The following TRIM7 variants were observed in gnomAD, a reference collection of about 807,000 sequenced individuals.
The protein encoded by TRIM7 is tripartite motif containing 7.
Under a neutral mutation model 37.9 loss-of-function variants are expected in TRIM7, and 32 were observed. The observed-to-expected ratio is 0.84, with a 90% confidence interval of 0.64 to 1.13. The LOEUF (loss-of-function observed/expected upper bound fraction) is 1.13. Among genes scored for constraint, TRIM7 ranks in the 50% most tolerant of loss-of-function variants. TRIM7 has a pLI of 0.00. For synonymous variants in TRIM7, 351 were observed against 321.3 expected, an observed-to-expected ratio of 1.09 and a Z score of -0.99; for missense variants, 732 against 714.0, an observed-to-expected ratio of 1.03 and a Z score of -0.29.
rs748263061 is a variant in TRIM7 at position 181,198,676 on chromosome 5, G to T, written c.988+14C>A. On this transcript the variant is annotated intron_variant, in intron 5 of 6. Coordinates refer to ENST00000274773, the MANE Select transcript of TRIM7 (RefSeq NM_203293.3). ...ACCGCACTATGTGGCCCAGCTTGGC[G>T]CCCAGGCCCCTACCTTTGAACTTCT... 3 of 1,592,792 alleles carry T rather than the reference G, an allele frequency of 1.9e-6. No individual in the cohort carries two copies. Among genetic ancestry groups the T allele is most frequent in the South Asian group, 2.2e-5 (2 of 90,526 alleles).
At chr5:181,200,391 A>G (rs1757409191) in intron 2 of TRIM7, 3 of 1,369,608 alleles carry the variant, frequency 2.2e-6, no homozygotes, top group Non-Finnish European at 2.8e-6. Context: ...CAGCTTCCTC[A>G]CTTGAAAAGC....
chr5:181,200,194 C>A (rs749704803), intron 2 of TRIM7, 113 bp from the exon 3 acceptor site: 7 of 1,590,746 alleles, frequency 4.4e-6, no homozygotes, highest in Non-Finnish European at 6.0e-6. Context: ...GCTGGAGGAT[C>A]GGAGACACAC....
intron 2 of TRIM7, chr5:181,200,288 C>T (rs2113075316): frequency 6.9e-7 from 1 of 1,442,740 alleles, no homozygotes; most frequent in Middle Eastern, 2.5e-4. Flanking sequence ...CTTTTCTCCC[C>T]TGCCACAGAT....
chr5:181,198,256 C>T, intron 5 of TRIM7, 38 bp from the exon 6 acceptor site: 1 of 1,610,252 alleles, frequency 6.2e-7, no homozygotes. Flanking sequence ...GCATGAGCGA[C>T]ACGGGAGATT....
chr5:181,204,930 C>G lies in TRIM7; in HGVS notation c.181G>C (p.Gly61Arg). The change falls in exon 1 of 7, where the codon GGC (glycine) becomes CGC (arginine). Residue 61 changes from glycine to arginine, a missense_variant. Transcript: ENST00000274773. Reference protein sequence around the residue: ...ACIGRCWERPGAGSVGAATRA... With the variant: ...ACIGRCWERPRAGSVGAATRA... ...GTGGCGGCCCCAACAGACCCCGCGCCCGGGCGCTCCCAGCAGCGCCCTATG... is the reference window on the plus strand; with the variant it reads ...GTGGCGGCCCCAACAGACCCCGCGCGCGGGCGCTCCCAGCAGCGCCCTATG... 7.1e-7 allele frequency: 1 copy of G among 1,408,628 alleles called. No homozygotes were observed. The allele number at this position is 1,408,628 out of a possible 1,614,324, so 87.3% of individuals were successfully genotyped here.
chr5:181,204,656 C>A lies in TRIM7; in HGVS notation c.455G>T (p.Cys152Phe). ...QDDGRAICVV[C>F]DRAREHREHA... Reference sequence around the variant, plus strand: ...CTCGCGGTGCTCGCGGGCGCGGTCGCACACCACGCAGATGGCGCGTCCGTC... The same window carrying A: ...CTCGCGGTGCTCGCGGGCGCGGTCGAACACCACGCAGATGGCGCGTCCGTC... The change falls in exon 1 of 7, where the codon TGC (cysteine) becomes TTC (phenylalanine). Residue 152 changes from cysteine to phenylalanine, a missense_variant. Physicochemically the swap from Cys to Phe is radical, Grantham distance 205. Transcript: ENST00000274773. 6.6e-7 allele frequency: 1 copy of A among 1,507,196 alleles called. No individual in the cohort carries two copies. Among genetic ancestry groups the A allele is most frequent in the Non-Finnish European group, 8.8e-7 (1 of 1,139,662 alleles). 93.4% of individuals were successfully genotyped at this position (1,507,196 alleles called of 1,614,324 possible).
In TRIM7 at chr5:181,195,056, G is replaced by C; in HGVS notation, c.*110C>G. The C allele has an allele frequency of 7.3e-7, 1 of 1,361,096 alleles. No individual in the cohort carries two copies. Among genetic ancestry groups the C allele is most frequent in the Non-Finnish European group, 1.0e-6 (1 of 1,000,312 alleles). 84.3% of individuals were successfully genotyped at this position (1,361,096 alleles called of 1,614,324 possible). On this transcript the variant is annotated 3_prime_UTR_variant, in exon 7 of 7. Coordinates refer to ENST00000274773, the MANE Select transcript of TRIM7 (RefSeq NM_203293.3). ...TGTCTGTAGCAGGCTCTCTTGGGCA[G>C]CAGGGGTCAGGAGCACGGAGGGCAG...
chr5:181,204,925 C>G lies in TRIM7; in HGVS notation c.186G>C (p.Ala62=), dbSNP rs1431743925. ...CGCGGGTGGCGGCCCCAACAGACCC[C>G]GCGCCCGGGCGCTCCCAGCAGCGCC... ...CIGRCWERPG[A]GSVGAATRAP... Residue 62 remains alanine, a synonymous_variant, in exon 1 of 7, where the codon GCG becomes GCC. Transcript: ENST00000274773. 1.4e-6 allele frequency: 2 copies of G among 1,403,778 alleles called. No homozygotes were observed. 87.0% of individuals were successfully genotyped at this position (1,403,778 alleles called of 1,614,324 possible).
rs767789985 is a variant in TRIM7, at chr5:181,194,161, T to C, written c.*1005A>G. ...CCTGAGTCCGTCAGGAGCATATTTG[T>C]GCTCTGTGTGTTGTTTAGAGCTGGC... On this transcript the variant is annotated 3_prime_UTR_variant, in exon 7 of 7. Transcript: ENST00000274773. The C allele has an allele frequency of 9.8e-5, 15 of 152,306 alleles. No homozygotes were observed. The highest frequency in any genetic ancestry group is 1.9e-4 in the Non-Finnish European group (13 of 68,066). The allele number at this position is 152,306 out of a possible 1,614,324, so 9.4% of individuals were successfully genotyped here.
chr5:181,204,175 G>A (rs1409945298), intron 1 of TRIM7: 1 of 1,009,616 alleles, frequency 9.9e-7, no homozygotes, highest in Non-Finnish European at 1.2e-6. Context: ...ACGAGGTGGG[G>A]ACTTTGAGCA....
intron 3 of TRIM7, 148 bp downstream of exon 3, chr5:181,199,703 C>T (rs1343297149): frequency 1.5e-6 from 2 of 1,349,458 alleles, no homozygotes; most frequent in Non-Finnish European, 2.0e-6. Flanking sequence ...ACCTCCAACC[C>T]CAGGAAAATC....
rs746876251 is a variant in TRIM7 at position 181,204,670 on chromosome 5, G to A, written c.441C>T (p.Ala147=). ...GGGCGCGGTCGCACACCACGCAGAT[G>A]GCGCGTCCGTCGTCCTGGCAGTAGA... ...FKLYCQDDGR[A]ICVVCDRARE... The change falls in exon 1 of 7, where the codon GCC becomes GCT. Residue 147 remains alanine (A), a synonymous_variant. Coordinates refer to ENST00000274773, the MANE Select transcript of TRIM7 (RefSeq NM_203293.3). 1 of 1,514,926 alleles carries A rather than the reference G, an allele frequency of 6.6e-7. No individual in the cohort carries two copies. Among genetic ancestry groups the A allele is most frequent in the South Asian group, 1.2e-5 (1 of 81,740 alleles). 93.8% of individuals were successfully genotyped at this position (1,514,926 alleles called of 1,614,324 possible).
rs1179574580 is a variant in TRIM7 at position 181,195,361 on chromosome 5, G to T, written c.1341C>A (p.Ser447Arg). The T allele has an allele frequency of 6.3e-7, 1 of 1,579,328 alleles. No individual in the cohort carries two copies. The highest frequency in any genetic ancestry group is 8.6e-7 in the Non-Finnish European group (1 of 1,163,192). Residue 447 changes from serine (S) to arginine (R), a missense_variant, in exon 7 of 7, where the codon AGC becomes AGA. Physicochemically the swap from Ser to Arg is moderately radical, Grantham distance 110. Transcript: ENST00000274773. ...LNGGQYWAVT[S>R]PERSPLSCGH... ...CGCAGCTGAGGGGCGACCGCTCGGGGCTGGTCACGGCCCAGTACTGGCCGC... is the reference window on the plus strand; with the variant it reads ...CGCAGCTGAGGGGCGACCGCTCGGGTCTGGTCACGGCCCAGTACTGGCCGC...
At chr5:181,199,766 C>T (rs1021388602) in intron 3 of TRIM7, 85 bp downstream of exon 3, 5 of 1,472,392 alleles carry the variant, frequency 3.4e-6, no homozygotes, top group African/African-American at 2.8e-5. Flanking sequence ...TTCTCCTAGA[C>T]CCCCCAGGAC....
intron 2 of TRIM7, among the ~76,000 whole-genome samples, chr5:181,201,459 A>G (rs1164714888): frequency 6.6e-6 from 1 of 152,208 alleles, no homozygotes; most frequent in Non-Finnish European, 1.5e-5. Context: ...TTATTGCTGC[A>G]AAGAACAGGT....
Position 181,205,086 on chromosome 5 carries a change from C to G in TRIM7, c.25G>C (p.Gly9Arg). 5 of 1,349,756 alleles carry G rather than the reference C, an allele frequency of 3.7e-6. No homozygotes were observed. The highest frequency in any genetic ancestry group is 3.8e-6 in the Non-Finnish European group (4 of 1,053,556). The allele number at this position is 1,349,756 out of a possible 1,614,324, so 83.6% of individuals were successfully genotyped here. MAAVGPRT[G>R]PGTGAEALAL... The stretch of plus-strand genomic sequence containing the variant: ...AGAGCCTCGGCGCCGGTTCCGGGGC[C>G]GGTCCGCGGTCCCACAGCCGCCATG... The change falls in exon 1 of 7, where the codon GGC becomes CGC. Residue 9 changes from glycine (G) to arginine (R), a missense_variant. Coordinates refer to ENST00000274773, the MANE Select transcript of TRIM7 (RefSeq NM_203293.3).
Position 181,199,133 on chromosome 5 carries a change from G to A in TRIM7, c.850-16C>T. The A allele has an allele frequency of 6.2e-7, 1 of 1,614,208 alleles. No homozygotes were observed. The highest frequency in any genetic ancestry group is 1.3e-5 in the African/African-American group (1 of 75,066). ...TTTTGAATTCCTGGAAGGAAAGATA[G>A]AGGAAACCAAATCAGCATCAGGTAA... is the stretch of plus-strand genomic sequence containing the variant. On this transcript the variant is annotated splice_polypyrimidine_tract_variant and intron_variant, in intron 3 of 6. Coordinates refer to ENST00000274773, the MANE Select transcript of TRIM7 (RefSeq NM_203293.3).
rs1487358252 is a variant in TRIM7, at chr5:181,195,473, G to A, written c.1229C>T (p.Ala410Val). 1.9e-6 allele frequency: 3 copies of A among 1,612,226 alleles called. No individual in the cohort carries two copies. Among genetic ancestry groups the A allele is most frequent in the South Asian group, 1.1e-5 (1 of 91,016 alleles). The change falls in exon 7 of 7, where the codon GCC becomes GTC. Residue 410 changes from alanine to valine, a missense_variant. Physicochemically the swap from Ala to Val is moderately conservative, Grantham distance 64. Coordinates refer to ENST00000274773, the MANE Select transcript of TRIM7 (RefSeq NM_203293.3). ...EVEVGSKDGW[A>V]FGVARESVRR... ...CACGCTCTCGCGGGCCACGCCAAAGGCCCAGCCGTCCTTAGAGCCCACCTC... is the reference window on the plus strand; with the variant it reads ...CACGCTCTCGCGGGCCACGCCAAAGACCCAGCCGTCCTTAGAGCCCACCTC...
intron 2 of TRIM7, chr5:181,202,660 G>A (rs1057368583): frequency 1.3e-5 from 2 of 151,404 alleles, no homozygotes; most frequent in African/African-American, 4.9e-5. Flanking sequence ...TCTGCCTCCC[G>A]GGTTCACACC....
Sources: gnomAD v4.1 joint callset for allele counts (sites outside exome capture counted in the v4.1 genomes callset) on GRCh38, gnomAD v4.1.1 for gene constraint, MANE v1.5 for transcripts, NCBI Gene and HGNC (gene_info 2026-07-23, HGNC 2026-07-21) for gene names.